USP53: variants seen among roughly 807,000 people sequenced by gnomAD.
The protein encoded by USP53 is ubiquitin specific peptidase 53.
A neutral mutation model predicts 94.9 loss-of-function variants in USP53; 71 were observed. The ratio of observed to expected loss-of-function variants is 0.75; its 90% CI spans 0.62 to 0.91. The LOEUF (loss-of-function observed/expected upper bound fraction) is 0.91, where lower values mean the gene tolerates loss of function less well. Ranked by LOEUF, USP53 falls within the 40% of genes least tolerant of loss-of-function variation. The probability of loss-of-function intolerance (pLI) is 0.00; values close to 1 mark genes in which losing one functional copy is unlikely to be tolerated. For synonymous variants in USP53, 375 were observed against 422.7 expected, an observed-to-expected ratio of 0.89 and a Z score of 1.39; for missense variants, 1,173 against 1,281.0, an observed-to-expected ratio of 0.92 and a Z score of 1.29.
intron 12 of USP53, among the ~76,000 whole-genome samples, chr4:119,262,416 C>T (rs1750623425): frequency 6.6e-6 from 1 of 152,126 alleles, no homozygotes; most frequent in Non-Finnish European, 1.5e-5. Flanking sequence ...AACTTAACTG[C>T]CAACAGCCTA....
chr4:119,248,491 G>T (rs1748542390), intron 6 of USP53, among the ~76,000 whole-genome samples: 1 of 150,986 alleles, frequency 6.6e-6, no homozygotes, highest in Non-Finnish European at 1.5e-5. Flanking sequence ...CTCAGGACCA[G>T]CAGTGTCCTC....
chr4:119,227,262 C>T (rs1561197080), intron 3 of USP53, among the ~76,000 whole-genome samples: 2 of 79,988 alleles, frequency 2.5e-5, no homozygotes, highest in African/African-American at 7.2e-5. Context: ...ACACTACACA[C>T]ACACACACAC....
chr4:119,236,108 C>A (rs1429577681), intron 4 of USP53, among the ~76,000 whole-genome samples: 1 of 152,176 alleles, frequency 6.6e-6, no homozygotes, highest in African/African-American at 2.4e-5. Flanking sequence ...AGGTATACCA[C>A]TGAGGTATTG....
chr4:119,229,764 T>C (rs1745803215), intron 3 of USP53, among the ~76,000 whole-genome samples: 1 of 152,132 alleles, frequency 6.6e-6, no homozygotes, highest in Non-Finnish European at 1.5e-5. Context: ...TTACCTCAAA[T>C]TCATCTTATT....
At chr4:119,213,660 ATGTGTGTGTG>A (rs1553962017) in intron 1 of USP53, among the ~76,000 whole-genome samples, 8 of 117,774 alleles carry the variant, frequency 6.8e-5, no homozygotes, top group African/African-American at 2.9e-4. Flanking sequence ...ATATATATAT[ATGTGTGTGTG>A]TGTATGTATG....
intron 4 of USP53, among the ~76,000 whole-genome samples, chr4:119,238,761 G>C (rs17049968): frequency 6.6e-6 from 1 of 152,028 alleles, no homozygotes; most frequent in Non-Finnish European, 1.5e-5. Context: ...AGGAGTGTGC[G>C]TTTGTTGATA....
At chr4:119,218,856 C>G (rs1744148470) in intron 3 of USP53, 1 of 152,012 alleles carries the variant, frequency 6.6e-6, no homozygotes, top group African/African-American at 2.4e-5. Flanking sequence ...TTAAATACTT[C>G]TAGTAAGATG....
At chr4:119,261,988 C>A in intron 12 of USP53, 124 bp downstream of exon 12, 1 of 882,654 alleles carries the variant, frequency 1.1e-6, no homozygotes, top group Non-Finnish European at 1.5e-6. Flanking sequence ...AATAAATGAA[C>A]ATGATGATAG....
At chr4:119,216,092 A>G (rs1561171085) in intron 2 of USP53, among the ~76,000 whole-genome samples, 1 of 152,184 alleles carries the variant, frequency 6.6e-6, no homozygotes, top group Non-Finnish European at 1.5e-5. Flanking sequence ...TTAATTAGAC[A>G]ATGTTGGCTG....
At chr4:119,247,318 C>G (rs569282070) in intron 6 of USP53, among the ~76,000 whole-genome samples, 67 of 152,246 alleles carry the variant, frequency 4.4e-4, no homozygotes, top group Admixed American at 4.4e-3. Context: ...AGCTGATCCC[C>G]ACCTCAAAGT....
In USP53 at chr4:119,261,845, A is replaced by T. The variant is rs1186562465; in HGVS notation, c.953A>T (p.Asp318Val). Residue 318 changes from aspartate (D) to valine (V), a missense_variant, in exon 12 of 19, where the codon GAT becomes GTT. Coordinates refer to ENST00000692078, the MANE Select transcript of USP53 (RefSeq NM_001371395.1). The part of the protein sequence containing the change: ...HTKSSKWVFF[D>V]DANVKEIGTR... ...AAAAGTTCCAAATGGGTATTTTTTGATGATGCAAATGTGAAAGAGGTAAGT... is the reference window on the plus strand; with the variant it reads ...AAAAGTTCCAAATGGGTATTTTTTGTTGATGCAAATGTGAAAGAGGTAAGT... The T allele has an allele frequency of 6.8e-7, 1 of 1,476,368 alleles. No individual in the cohort carries two copies. Among genetic ancestry groups the T allele is most frequent in the African/African-American group, 1.4e-5 (1 of 72,534 alleles). 91.5% of individuals were successfully genotyped at this position (1,476,368 alleles called of 1,614,324 possible).
In USP53 at chr4:119,261,821, A is replaced by G. The variant is rs373572298; in HGVS notation, c.929A>G (p.Lys310Arg). 1.3e-6 allele frequency: 2 copies of G among 1,512,992 alleles called. No homozygotes were observed. The highest frequency in any genetic ancestry group is 1.8e-6 in the Non-Finnish European group (2 of 1,112,540). 93.7% of individuals were successfully genotyped at this position (1,512,992 alleles called of 1,614,324 possible). ...QHYCAFAFHT[K>R]SSKWVFFDDA... ...TATTGTGCCTTTGCATTTCACACCAAAAGTTCCAAATGGGTATTTTTTGAT... is the reference window on the plus strand; with the variant it reads ...TATTGTGCCTTTGCATTTCACACCAGAAGTTCCAAATGGGTATTTTTTGAT... The change falls in exon 12 of 19, where the codon AAA (lysine) becomes AGA (arginine). Residue 310 changes from lysine to arginine, a missense_variant. Coordinates refer to ENST00000692078, the MANE Select transcript of USP53 (RefSeq NM_001371395.1).
At chr4:119,213,314 G>C (rs1289360843) in intron 1 of USP53, 1 of 152,152 alleles carries the variant, frequency 6.6e-6, no homozygotes, top group Non-Finnish European at 1.5e-5. Context: ...GTCCAGGATG[G>C]TTATGCTCCC....
At chr4:119,258,206 T>C (rs1750019202) in intron 9 of USP53, among the ~76,000 whole-genome samples, 2 of 152,184 alleles carry the variant, frequency 1.3e-5, no homozygotes, top group South Asian at 2.1e-4. Context: ...TCGGTCTGAC[T>C]TCAAAATTTT....
At chr4:119,225,510 G>A (rs1444650125) in intron 3 of USP53, among the ~76,000 whole-genome samples, 1 of 152,120 alleles carries the variant, frequency 6.6e-6, no homozygotes, top group Non-Finnish European at 1.5e-5. Context: ...ACTTTGGGAG[G>A]CCGAGGCGGG....
At position 119,293,166 on chromosome 4, in the gene USP53, C is replaced by T. The variant is rs774862264; in HGVS notation, c.3177C>T (p.Leu1059=). ...TGAAATACCATCAGAGGCCCAAGCT[C>T]TCTTTTCCAGAGAGCAGTGGCTTTT... ...YRLKYHQRPK[L]SFPESSGFCN... is the part of the protein sequence containing the mutation. The change falls in exon 19 of 19, where the codon CTC becomes CTT. Residue 1059 remains leucine (L), a synonymous_variant. Coordinates refer to ENST00000692078, the MANE Select transcript of USP53 (RefSeq NM_001371395.1). The T allele has an allele frequency of 6.2e-7, 1 of 1,611,488 alleles. No individual in the cohort carries two copies. The highest frequency in any genetic ancestry group is 8.5e-7 in the Non-Finnish European group (1 of 1,179,714).
At chr4:119,290,787 G>A (rs1754660501) in intron 17 of USP53, among the ~76,000 whole-genome samples, 1 of 152,092 alleles carries the variant, frequency 6.6e-6, no homozygotes, top group Admixed American at 6.6e-5. Context: ...TAATTAGTGA[G>A]TCCAAACTTC....
chr4:119,240,494 T>C (rs555558673), intron 5 of USP53, among the ~76,000 whole-genome samples: 49 of 152,302 alleles, frequency 3.2e-4, no homozygotes, highest in African/African-American at 1.1e-3. Context: ...ATAAAGTTTT[T>C]ATTCAGCAGT....
rs1561361675 is a variant in USP53, at chr4:119,291,269, T to C, written c.2348+8T>C. 1 of 1,489,906 alleles carries C rather than the reference T, an allele frequency of 6.7e-7. No homozygotes were observed. The highest frequency in any genetic ancestry group is 2.6e-5 in the East Asian group (1 of 38,934). 92.3% of individuals were successfully genotyped at this position (1,489,906 alleles called of 1,614,324 possible). On this transcript the variant is annotated splice_region_variant and intron_variant, in intron 18 of 18. Transcript: ENST00000692078. Reference sequence around the variant, plus strand: ...AAATCATTTGATAAAAAGGTAACCATATTTTTTTTCCCTAAATACATGTAT... The same window carrying C: ...AAATCATTTGATAAAAAGGTAACCACATTTTTTTTCCCTAAATACATGTAT...
Sources: allele counts gnomAD v4.1 joint callset (sites outside exome capture counted in the v4.1 genomes callset), GRCh38; gene constraint gnomAD v4.1.1; transcripts MANE v1.5; gene names NCBI Gene and HGNC (gene_info 2026-07-23, HGNC 2026-07-21).